SERAC1: variants seen among roughly 807,000 people sequenced by gnomAD.
SERAC1 encodes protein SERAC1.
In SERAC1, 36 loss-of-function variants were observed where a neutral mutation model predicts 85.7. That is an observed-to-expected ratio of 0.42 (90% CI 0.32 to 0.55). The LOEUF is 0.55. Among genes scored for constraint, SERAC1 ranks in the 20% least tolerant of loss-of-function variants. The pLI is 0.11. For synonymous variants in SERAC1, 242 were observed against 265.3 expected (o/e 0.91, Z 0.85); for missense variants, 629 against 796.2 (o/e 0.79, Z 2.53).
Position 158,141,977 on chromosome 6 carries a change from ATT to A in SERAC1, c.738+1077_738+1078del, listed in dbSNP as rs527270271. ...ATTGGTCAAAGAATATAAAACACTG[ATT>A]TTTTTTTTTTTACTGACAAAATACG... On this transcript the variant is annotated intron_variant, in intron 8 of 16. Coordinates refer to ENST00000647468, the MANE Select transcript of SERAC1 (RefSeq NM_032861.4). Among the ~76,000 whole-genome samples the A allele has an allele frequency of 5.3e-3, 773 of 146,684 alleles. 6 individuals carry two copies. Among genetic ancestry groups the A allele is most frequent in the African/African-American group, 0.018 (731 of 40,384 alleles).
chr6:158,125,128 G>A (rs1014820954), intron 10 of SERAC1, among the ~76,000 whole-genome samples: 8 of 152,128 alleles, frequency 5.3e-5, no homozygotes, highest in Non-Finnish European at 1.0e-4. Context: ...AGTATGAAGA[G>A]GTGAGCCTTT....
chr6:158,158,939 A>T (rs1785420583), intron 1 of SERAC1: 1 of 152,226 alleles, frequency 6.6e-6, no homozygotes, highest in South Asian at 2.1e-4. Flanking sequence ...CATCCACCTA[A>T]TTCATCAACT....
rs1406393161 is a variant in SERAC1, at chr6:158,117,680, G to A, written c.1403+47C>T. 8 of 1,611,332 alleles carry A rather than the reference G, an allele frequency of 5.0e-6. No individual in the cohort carries two copies. Among genetic ancestry groups the A allele is most frequent in the East Asian group, 2.2e-5 (1 of 44,846 alleles). ...CCCATCCAAGAGGACCTAAACTTGC[G>A]GCCTGAATTCTTCCCTGTCCTCCTG... On this transcript the variant is annotated intron_variant, in intron 13 of 16. Transcript: ENST00000647468. This position sits in a 1 kb window ranked among gnomAD's most constrained non-coding sequence, Gnocchi z 4.3.
At chr6:158,162,635 A>G (rs1785512724) in intron 1 of SERAC1, among the ~76,000 whole-genome samples, 1 of 151,976 alleles carries the variant, frequency 6.6e-6, no homozygotes, top group Admixed American at 6.6e-5. Flanking sequence ...AACTTCTTCC[A>G]TTTTTTTCTA....
intron 16 of SERAC1, chr6:158,113,055 AT>A (rs1784185087): frequency 4.5e-6 from 1 of 224,716 alleles, no homozygotes; most frequent in Non-Finnish European, 8.6e-6. Flanking sequence ...TGGATCTTCT[AT>A]TTACGAAAGC....
chr6:158,129,525 CTGGG>C (rs1477003886), intron 9 of SERAC1, among the ~76,000 whole-genome samples: 1 of 152,134 alleles, frequency 6.6e-6, no homozygotes, highest in African/African-American at 2.4e-5. Flanking sequence ...AACACATTTC[CTGGG>C]TGATGTTTCT....
chr6:158,156,056 G>A (rs1308158327), intron 2 of SERAC1, among the ~76,000 whole-genome samples: 1 of 152,186 alleles, frequency 6.6e-6, no homozygotes, highest in Non-Finnish European at 1.5e-5. Context: ...GGCTAAGGCA[G>A]GAGAATCGCT....
At chr6:158,115,059 A>G in intron 14 of SERAC1, 88 bp from the exon 15 acceptor site, 6 of 1,347,022 alleles carry the variant, frequency 4.5e-6, no homozygotes, top group Non-Finnish European at 6.1e-6. Context: ...AACAAGAAAT[A>G]CATAAAAAGA....
chr6:158,137,107 G>A (rs1055132981), intron 8 of SERAC1, among the ~76,000 whole-genome samples: 1 of 150,752 alleles, frequency 6.6e-6, no homozygotes, highest in East Asian at 2.0e-4. Flanking sequence ...GCAGTGAGCC[G>A]AGATCAAGCC....
chr6:158,152,948 TATATAC>T (rs748782096), intron 3 of SERAC1: 7 of 152,182 alleles, frequency 4.6e-5, no homozygotes, highest in Non-Finnish European at 8.8e-5. Flanking sequence ...CATGACTGTA[TATATAC>T]ATATACATGT....
Position 158,146,826 on chromosome 6 carries a change from C to A in SERAC1, c.443G>T (p.Arg148Leu), listed in dbSNP as rs376922578. ...RKSKSDDKTTRLEAVREMSET... is the reference protein window; with the variant it reads ...RKSKSDDKTTLLEAVREMSET... Reference sequence around the variant, plus strand: ...CGACATTTCCCGCACAGCCTCGAGTCGCGTGGTTTTGTCATCTGACTTGCT... The same window carrying A: ...CGACATTTCCCGCACAGCCTCGAGTAGCGTGGTTTTGTCATCTGACTTGCT... The change falls in exon 6 of 17, where the codon CGA becomes CTA. Residue 148 changes from arginine to leucine, a missense_variant. Arg to Leu is a moderately radical substitution (Grantham distance 102). Transcript: ENST00000647468. 1.9e-6 allele frequency: 3 copies of A among 1,613,830 alleles called. No individual in the cohort carries two copies. Among genetic ancestry groups the A allele is most frequent in the Non-Finnish European group, 2.5e-6 (3 of 1,179,944 alleles).
rs765831183 is a variant in SERAC1 at position 158,114,782 on chromosome 6, G to T, written c.1684+7C>A. The T allele has an allele frequency of 8.7e-5, 140 of 1,608,272 alleles. No individual in the cohort carries two copies. Among genetic ancestry groups the T allele is most frequent in the Non-Finnish European group, 1.2e-4 (138 of 1,177,900 alleles). On this transcript the variant is annotated splice_region_variant and intron_variant, in intron 15 of 16. Coordinates refer to ENST00000647468, the MANE Select transcript of SERAC1 (RefSeq NM_032861.4). ...ACCCCAATTTCCTTTATGACAAAAA[G>T]TATTACCCTTGCTGAGTTCTTTGAC...
intron 10 of SERAC1, among the ~76,000 whole-genome samples, chr6:158,124,842 T>C (rs1784505281): frequency 6.7e-6 from 1 of 150,118 alleles, no homozygotes; most frequent in Non-Finnish European, 1.5e-5. Context: ...TTCCTGGACA[T>C]AAAATAAAGG....
intron 12 of SERAC1, among the ~76,000 whole-genome samples, chr6:158,118,090 G>A (rs989704701): frequency 2.0e-5 from 3 of 152,198 alleles, no homozygotes; most frequent in Non-Finnish European, 4.4e-5. Context: ...AGCAAGGCCT[G>A]TTTTAAAGTC....
At chr6:158,157,070 C>A (rs776852658) in intron 2 of SERAC1, among the ~76,000 whole-genome samples, 1 of 150,616 alleles carries the variant, frequency 6.6e-6, no homozygotes, top group African/African-American at 2.4e-5. Context: ...AATCTCAGCT[C>A]ACTGCAATCT....
intron 8 of SERAC1, among the ~76,000 whole-genome samples, chr6:158,139,745 A>G (rs1490102509): frequency 1.3e-5 from 2 of 152,208 alleles, no homozygotes; most frequent in Non-Finnish European, 2.9e-5. Flanking sequence ...CTCAAAAACA[A>G]AAACAAAATC....
intron 8 of SERAC1, among the ~76,000 whole-genome samples, chr6:158,138,957 G>C (rs915586015): frequency 2.5e-4 from 38 of 152,184 alleles, no homozygotes; most frequent in African/African-American, 8.9e-4. Flanking sequence ...GCCCAAGCTG[G>C]AGTGCAGTGG....
intron 3 of SERAC1, among the ~76,000 whole-genome samples, chr6:158,154,847 G>A (rs938270830): frequency 6.6e-6 from 1 of 152,096 alleles, no homozygotes; most frequent in Non-Finnish European, 1.5e-5. Flanking sequence ...CTGAGTGAGT[G>A]CCCGATTTAA....
At chr6:158,151,618 G>A (rs1416883442) in intron 3 of SERAC1, among the ~76,000 whole-genome samples, 2 of 151,954 alleles carry the variant, frequency 1.3e-5, no homozygotes, top group Non-Finnish European at 2.9e-5. Flanking sequence ...GTAGAGATGG[G>A]GTTTCGCCAT....
Sources: gnomAD v4.1 joint callset for allele counts (sites outside exome capture counted in the v4.1 genomes callset) on GRCh38, gnomAD v4.1.1 for gene constraint, Gnocchi (gnomAD v3.1) non-coding constraint, MANE v1.5 for transcripts, NCBI Gene and HGNC (gene_info 2026-07-23, HGNC 2026-07-21) for gene names.